NAALADL2: variants seen among roughly 807,000 people sequenced by gnomAD.
The protein encoded by NAALADL2 is inactive N-acetylated-alpha-linked acidic dipeptidase-like protein 2.
Under a neutral mutation model 87.2 loss-of-function variants are expected in NAALADL2, and 76 were observed. The observed-to-expected ratio is 0.87, with a 90% CI of 0.72 to 1.05. The LOEUF (loss-of-function observed/expected upper bound fraction) is 1.05. Ranked by LOEUF, NAALADL2 falls within the 50% of genes least tolerant of loss-of-function variation. The probability of loss-of-function intolerance (pLI) is 0.00; values close to 1 mark genes in which losing one functional copy is unlikely to be tolerated. For synonymous variants in NAALADL2, 354 were observed against 331.0 expected (o/e 1.07, Z -0.75); for missense variants, 1,089 against 945.8 (o/e 1.15, Z -1.99).
intron 1 of NAALADL2, among the ~76,000 whole-genome samples, chr3:174,871,213 T>G (rs1020735000): frequency 6.6e-6 from 1 of 152,234 alleles, no homozygotes; most frequent in African/African-American, 2.4e-5. Context: ...ATATTTCCTC[T>G]TCAGTGTTTC....
chr3:175,010,700 C>A (rs1749665078), intron 1 of NAALADL2, among the ~76,000 whole-genome samples: 1 of 152,112 alleles, frequency 6.6e-6, no homozygotes, highest in African/African-American at 2.4e-5. Context: ...TTGCCTATGT[C>A]TTTTAGTGAA....
intron 9 of NAALADL2, among the ~76,000 whole-genome samples, chr3:175,529,252 T>C (rs1391130256): frequency 6.6e-6 from 1 of 152,216 alleles, no homozygotes; most frequent in Non-Finnish European, 1.5e-5. Context: ...CTTCTTAGCC[T>C]GTTGACTTAA....
intron 5 of NAALADL2, among the ~76,000 whole-genome samples, chr3:175,350,812 TTG>T (rs1180513697): frequency 6.6e-6 from 1 of 152,142 alleles, no homozygotes; most frequent in Non-Finnish European, 1.5e-5. Context: ...GGAAATGTGT[TTG>T]TGTGTTTGGG....
chr3:175,233,738 T>C (rs1350435828), intron 2 of NAALADL2, among the ~76,000 whole-genome samples, 193 bp from the exon 3 acceptor site: 1 of 152,170 alleles, frequency 6.6e-6, no homozygotes. Flanking sequence ...ACAAGGGCCG[T>C]CAGTTCTTAA....
intron 3 of NAALADL2, among the ~76,000 whole-genome samples, chr3:174,754,185 G>T (rs184462979): frequency 4.6e-5 from 7 of 152,198 alleles, no homozygotes; most frequent in Non-Finnish European, 1.0e-4. Flanking sequence ...TATTACCTTG[G>T]TAGGGATTCT....
At chr3:174,932,563 T>G (rs901405464) in intron 1 of NAALADL2, among the ~76,000 whole-genome samples, 1 of 152,126 alleles carries the variant, frequency 6.6e-6, no homozygotes, top group Non-Finnish European at 1.5e-5. Flanking sequence ...ATTAGTTCAA[T>G]ATTGATGGGT....
intron 1 of NAALADL2, among the ~76,000 whole-genome samples, chr3:174,462,406 T>C (rs1457614269): frequency 6.6e-6 from 1 of 152,138 alleles, no homozygotes; most frequent in African/African-American, 2.4e-5. Flanking sequence ...TTCTCCTCTC[T>C]ATGATTATTT....
At chr3:175,484,102 G>A (rs983505073) in intron 9 of NAALADL2, among the ~76,000 whole-genome samples, 4 of 152,010 alleles carry the variant, frequency 2.6e-5, no homozygotes, top group African/African-American at 9.7e-5. Flanking sequence ...AAACCATACA[G>A]ATAAATACCA....
intron 11 of NAALADL2, among the ~76,000 whole-genome samples, chr3:175,644,888 C>T (rs1225872376): frequency 6.6e-6 from 1 of 152,018 alleles, no homozygotes. Context: ...ATTGCAATAG[C>T]AAACAATTGA....
At chr3:175,344,992 C>T (rs1463388981) in intron 5 of NAALADL2, among the ~76,000 whole-genome samples, 1 of 151,430 alleles carries the variant, frequency 6.6e-6, no homozygotes, top group Non-Finnish European at 1.5e-5. Context: ...ATATTAGTAC[C>T]CCAAATCATA....
chr3:175,255,330 C>T (rs1470797651), intron 3 of NAALADL2, among the ~76,000 whole-genome samples: 1 of 152,166 alleles, frequency 6.6e-6, no homozygotes, highest in Non-Finnish European at 1.5e-5. Flanking sequence ...AATGCTCTTT[C>T]TTCAGATGAA....
chr3:175,500,095 G>A lies in NAALADL2; in HGVS notation c.1653+28337G>A, dbSNP rs571093041. Reference sequence around the variant, plus strand: ...AATACCGAATGACTACCCCATGCATGACCCTCTGCTAGGAGCTATGGGATA... The same window carrying A: ...AATACCGAATGACTACCCCATGCATAACCCTCTGCTAGGAGCTATGGGATA... On this transcript the variant is annotated intron_variant, in intron 9 of 13. Transcript: ENST00000454872. 7.2e-5 allele frequency among the ~76,000 whole-genome samples: 11 copies of A among 152,150 alleles called. No individual in the cohort carries two copies. The South Asian group carries it at 2.1e-3, about 29-fold the overall frequency.
intron 1 of NAALADL2, among the ~76,000 whole-genome samples, chr3:174,880,290 C>T (rs1156495692): frequency 6.6e-6 from 1 of 152,058 alleles, no homozygotes. Context: ...CATTGCACAT[C>T]TCAGTTGGAA....
intron 2 of NAALADL2, among the ~76,000 whole-genome samples, chr3:175,159,181 A>G (rs1732756858): frequency 6.6e-6 from 1 of 152,190 alleles, no homozygotes; most frequent in Non-Finnish European, 1.5e-5. Context: ...TTATTTTCAG[A>G]CAGGCAATTA....
intron 1 of NAALADL2, among the ~76,000 whole-genome samples, chr3:175,070,430 T>C (rs982567455): frequency 1.3e-5 from 2 of 152,078 alleles, no homozygotes; most frequent in African/African-American, 4.8e-5. Flanking sequence ...CTTAATTGTA[T>C]AACTGCTGGA....
At chr3:174,821,441 C>A (rs1014330654) in intron 3 of NAALADL2, among the ~76,000 whole-genome samples, 3 of 152,092 alleles carry the variant, frequency 2.0e-5, no homozygotes, top group Admixed American at 2.0e-4. Flanking sequence ...AACACTTGCT[C>A]CCTTCTTTAA....
chr3:175,794,461 T>C (rs759333003), intron 13 of NAALADL2, among the ~76,000 whole-genome samples: 6 of 152,240 alleles, frequency 3.9e-5, no homozygotes, highest in Non-Finnish European at 7.3e-5. Context: ...TAACTTCATT[T>C]GATTTTAGTC....
intron 5 of NAALADL2, among the ~76,000 whole-genome samples, chr3:175,381,151 A>T (rs1178209735): frequency 6.6e-6 from 1 of 151,862 alleles, no homozygotes; most frequent in East Asian, 1.9e-4. Flanking sequence ...ATAATTTAGT[A>T]TCCATTTGTA....
chr3:175,494,745 A>G (rs1728575843), intron 9 of NAALADL2, among the ~76,000 whole-genome samples: 1 of 152,008 alleles, frequency 6.6e-6, no homozygotes, highest in South Asian at 2.1e-4. Flanking sequence ...GCTGTCCCTT[A>G]CCATCGGGTA....
Sources: gnomAD v4.1 joint callset for allele counts (sites outside exome capture counted in the v4.1 genomes callset) on GRCh38, gnomAD v4.1.1 for gene constraint, MANE v1.5 for transcripts, NCBI Gene and HGNC (gene_info 2026-07-23, HGNC 2026-07-21) for gene names.